Variants in CREM observed in about 807,000 individuals in gnomAD.
The protein encoded by CREM is cAMP-responsive element modulator.
In CREM, 13 loss-of-function variants were observed where a neutral mutation model predicts 37.3. The observed-to-expected ratio is 0.35, with a 90% CI of 0.23 to 0.55. CREM has a LOEUF of 0.55. Among genes scored for constraint, CREM ranks in the 20% least tolerant of loss-of-function variants. The pLI is 0.88. For missense variants in CREM, 296 were observed against 362.3 expected, an observed-to-expected ratio of 0.82 and a Z score of 1.49; for synonymous variants, 124 against 120.2, an observed-to-expected ratio of 1.03 and a Z score of -0.21.
intron 2 of CREM, 81 bp downstream of exon 2, chr10:35,137,960 G>A: frequency 9.5e-7 from 1 of 1,050,450 alleles, no homozygotes; most frequent in South Asian, 1.6e-5. Context: ...ATATATAGAT[G>A]TACACATACA....
chr10:35,161,164 TCTCA>T (rs1271589420), intron 3 of CREM, among the ~76,000 whole-genome samples: 2 of 152,038 alleles, frequency 1.3e-5, no homozygotes, highest in Non-Finnish European at 2.9e-5. Flanking sequence ...TGAGACAGGG[TCTCA>T]CTCTGTTGCC....
intron 3 of CREM, among the ~76,000 whole-genome samples, chr10:35,169,123 A>G (rs1564863134): frequency 6.6e-6 from 1 of 152,008 alleles, no homozygotes; most frequent in African/African-American, 2.4e-5. Context: ...CGTTTTTTCC[A>G]TTTCTCTGAA....
intron 2 of CREM, 47 bp from the exon 3 acceptor site, chr10:35,148,321 A>G (rs2092324406): frequency 6.4e-7 from 1 of 1,568,202 alleles, no homozygotes. Flanking sequence ...ATTTCCAAAT[A>G]CTTAAGATAG....
chr10:35,142,033 G>C (rs1429105517), intron 2 of CREM, among the ~76,000 whole-genome samples: 1 of 152,222 alleles, frequency 6.6e-6, no homozygotes, highest in East Asian at 1.9e-4. Context: ...CATTTCTAGA[G>C]ACGTTTTAGA....
At chr10:35,148,296 G>T in intron 2 of CREM, 72 bp from the exon 3 acceptor site, 2 of 1,440,956 alleles carry the variant, frequency 1.4e-6, no homozygotes, top group Non-Finnish European at 1.9e-6. Flanking sequence ...TTTGGATTAG[G>T]GATGTTCAAC....
chr10:35,203,097 C>T (rs570751778), intron 6 of CREM, among the ~76,000 whole-genome samples: 2 of 151,684 alleles, frequency 1.3e-5, no homozygotes, highest in South Asian at 2.1e-4. Context: ...CTCTGTCGCT[C>T]AGGCTGGAGT....
At chr10:35,160,585 A>G (rs918077903) in intron 3 of CREM, among the ~76,000 whole-genome samples, 5 of 152,092 alleles carry the variant, frequency 3.3e-5, no homozygotes, top group South Asian at 2.1e-4. Context: ...TTTTTTTGCT[A>G]TTGTAGACTT....
At chr10:35,195,895 C>T (rs537629246) in intron 6 of CREM, 36 of 641,990 alleles carry the variant, frequency 5.6e-5, no homozygotes, top group Non-Finnish European at 9.8e-5. Context: ...CAGTTCCTTT[C>T]CGCTTTGTAA....
chr10:35,142,486 C>T (rs1405913609), intron 2 of CREM, among the ~76,000 whole-genome samples: 1 of 152,006 alleles, frequency 6.6e-6, no homozygotes, highest in Non-Finnish European at 1.5e-5. Flanking sequence ...TATAGAAACG[C>T]AGGGATTGAG....
intron 6 of CREM, among the ~76,000 whole-genome samples, chr10:35,204,240 A>T (rs549268582): frequency 6.6e-6 from 1 of 152,328 alleles, no homozygotes; most frequent in East Asian, 1.9e-4. Flanking sequence ...CTGTGTATAC[A>T]TTATTTTGTA....
intron 3 of CREM, among the ~76,000 whole-genome samples, chr10:35,158,792 TATAGTG>T (rs1202999686): frequency 1.4e-5 from 2 of 147,170 alleles, no homozygotes; most frequent in Non-Finnish European, 3.0e-5. Flanking sequence ...GAGTAGCAAA[TATAGTG>T]TTTTTTTTTT....
At chr10:35,208,612 G>T (rs2095593296) in intron 7 of CREM, among the ~76,000 whole-genome samples, 1 of 152,160 alleles carries the variant, frequency 6.6e-6, no homozygotes, top group Non-Finnish European at 1.5e-5. Flanking sequence ...TCCCGGCTGT[G>T]TCATCTTCAG....
In CREM at chr10:35,185,835, C is replaced by T. The variant is rs113320863; in HGVS notation, c.410-2365C>T. On this transcript the variant is annotated intron_variant, in intron 5 of 7. Coordinates refer to ENST00000685392, the MANE Select transcript of CREM (RefSeq NM_183011.2). ...ACACTGGCCTGTCAGTGAAATAAAA[C>T]ACAGAGAACGCAGCATGTGGAAGTC... Among the ~76,000 whole-genome samples the T allele has an allele frequency of 6.2e-3, 940 of 152,296 alleles. 12 individuals are homozygous for T. The highest frequency in any genetic ancestry group is 0.021 in the African/African-American group (892 of 41,566).
chr10:35,157,134 GGA>G, intron 3 of CREM, among the ~76,000 whole-genome samples: 1 of 152,008 alleles, frequency 6.6e-6, no homozygotes, highest in Non-Finnish European at 1.5e-5. Context: ...ACAGAATGAA[GGA>G]AAAAGACCAT....
intron 3 of CREM, among the ~76,000 whole-genome samples, chr10:35,177,408 A>C (rs1038964553): frequency 6.6e-6 from 1 of 152,158 alleles, no homozygotes; most frequent in Non-Finnish European, 1.5e-5. Flanking sequence ...TGAGGTCCAC[A>C]TATTTCTACT....
At chr10:35,151,194 A>G (rs150153374) in intron 3 of CREM, among the ~76,000 whole-genome samples, 3,424 of 152,388 alleles carry the variant, frequency 0.022, 61 homozygotes, top group Non-Finnish European at 0.036. Context: ...TCAAGGAACT[A>G]GAAAAAGCCT....
intron 3 of CREM, 196 bp downstream of exon 3, chr10:35,148,687 C>G: frequency 1.9e-6 from 1 of 535,596 alleles, no homozygotes; most frequent in Non-Finnish European, 3.2e-6. Context: ...AGTGCCCCAT[C>G]TCCATTGCCA....
At chr10:35,142,005 G>C (rs2091496636) in intron 2 of CREM, among the ~76,000 whole-genome samples, 1 of 152,232 alleles carries the variant, frequency 6.6e-6, no homozygotes, top group African/African-American at 2.4e-5. Context: ...GTTGGATTTA[G>C]TGACAGAGAT....
chr10:35,167,157 ATTAAAG>A (rs1378572037), intron 3 of CREM, among the ~76,000 whole-genome samples: 3 of 152,192 alleles, frequency 2.0e-5, no homozygotes, highest in Admixed American at 2.0e-4. Context: ...GGGAAAAAAA[ATTAAAG>A]TGGAATATTT....
Sources: gnomAD v4.1 joint callset for allele counts (sites outside exome capture counted in the v4.1 genomes callset) on GRCh38, gnomAD v4.1.1 for gene constraint, MANE v1.5 for transcripts, NCBI Gene and HGNC (gene_info 2026-07-23, HGNC 2026-07-21) for gene names.